TAF3: variants seen among roughly 807,000 people sequenced by gnomAD.
The protein encoded by TAF3 is transcription initiation factor TFIID subunit 3.
A neutral mutation model predicts 80.6 loss-of-function variants in TAF3; 7 were observed. The ratio of observed to expected loss-of-function variants is 0.09; its 90% CI spans 0.05 to 0.16. The LOEUF (loss-of-function observed/expected upper bound fraction) is 0.16, where lower values mean the gene tolerates loss of function less well. TAF3 is among the 10% of genes least tolerant of loss of function. The pLI, the probability that TAF3 is intolerant of heterozygous loss-of-function variation, is 1.00. For missense variants in TAF3, 921 were observed against 1,140.2 expected (o/e 0.81, Z 2.77); for synonymous variants, 444 against 446.1 (o/e 1.00, Z 0.06).
chr10:7,999,976 T>C (rs2131434269), intron 4 of TAF3, among the ~76,000 whole-genome samples: 1 of 152,354 alleles, frequency 6.6e-6, no homozygotes, highest in Middle Eastern at 3.4e-3. Context: ...TTAACCAAGC[T>C]ATCATTTTTT....
intron 2 of TAF3, among the ~76,000 whole-genome samples, chr10:7,946,280 C>T (rs770455280): frequency 5.9e-5 from 9 of 152,204 alleles, no homozygotes; most frequent in Admixed American, 2.6e-4. Context: ...CTTCCCATGC[C>T]TCAGACACAA....
At chr10:7,933,100 A>AC (rs1837884570) in intron 2 of TAF3, among the ~76,000 whole-genome samples, 1 of 26,424 alleles carries the variant, frequency 3.8e-5, no homozygotes, top group African/African-American at 6.7e-5. Context: ...AAAGCAAACA[A>AC]AAAAAAAAAT....
chr10:7,871,734 G>A (rs891205070), intron 2 of TAF3, among the ~76,000 whole-genome samples: 5 of 152,018 alleles, frequency 3.3e-5, no homozygotes, highest in African/African-American at 9.7e-5. Context: ...GGGAGCCACC[G>A]CGCCAGGCCA....
chr10:7,863,203 T>A (rs1837164986), intron 2 of TAF3, among the ~76,000 whole-genome samples: 1 of 152,180 alleles, frequency 6.6e-6, no homozygotes, highest in African/African-American at 2.4e-5. Context: ...ATATAAAATT[T>A]CAAATCAATG....
intron 2 of TAF3, among the ~76,000 whole-genome samples, chr10:7,901,711 A>G (rs984031858): frequency 1.3e-5 from 2 of 152,216 alleles, no homozygotes; most frequent in African/African-American, 4.8e-5. Flanking sequence ...TACCCAGTAA[A>G]CTTCTTAAAT....
intron 2 of TAF3, among the ~76,000 whole-genome samples, chr10:7,877,321 T>G (rs910957965): frequency 2.0e-5 from 3 of 152,174 alleles, no homozygotes; most frequent in African/African-American, 7.2e-5. Flanking sequence ...TATGGAAATC[T>G]GGGAGGTTTT....
At position 7,918,384 on chromosome 10, in the gene TAF3, T is replaced by C. The variant is rs141172726; in HGVS notation, c.410-45536T>C. Among the ~76,000 whole-genome samples the C allele has an allele frequency of 7.5e-3, 1,136 of 152,212 alleles. 9 individuals carry two copies. The highest frequency in any genetic ancestry group is 0.011 in the Non-Finnish European group (737 of 68,014). ...AGAGGGTCCAATGCAGTGCCACATG[T>C]AGACTTAGAGTAAGGGAAGAGTGGG... On this transcript the variant is annotated intron_variant, in intron 2 of 6. Transcript: ENST00000344293.
At chr10:7,866,830 G>T (rs1341991447) in intron 2 of TAF3, among the ~76,000 whole-genome samples, 1 of 152,184 alleles carries the variant, frequency 6.6e-6, no homozygotes, top group Non-Finnish European at 1.5e-5. Context: ...TGAAAACAAA[G>T]AGAAGTGGTT....
intron 2 of TAF3, among the ~76,000 whole-genome samples, chr10:7,876,634 A>C (rs1301208613): frequency 1.3e-5 from 2 of 152,152 alleles, no homozygotes; most frequent in African/African-American, 4.8e-5. Context: ...GTCAGTGGTT[A>C]TGTGACAGTT....
At chr10:7,871,941 A>T in intron 2 of TAF3, among the ~76,000 whole-genome samples, 1 of 152,366 alleles carries the variant, frequency 6.6e-6, no homozygotes, top group Non-Finnish European at 1.5e-5. Context: ...GCCAGATGAT[A>T]TATAGTGGGA....
At chr10:7,892,628 A>C (rs915266596) in intron 2 of TAF3, among the ~76,000 whole-genome samples, 2 of 152,116 alleles carry the variant, frequency 1.3e-5, no homozygotes, top group African/African-American at 4.8e-5. Flanking sequence ...TATTATCTCT[A>C]TCAGTTCTGC....
intron 4 of TAF3, among the ~76,000 whole-genome samples, chr10:7,982,214 A>G (rs1831732810): frequency 1.3e-5 from 2 of 152,096 alleles, no homozygotes; most frequent in Admixed American, 1.3e-4. Flanking sequence ...CTTTTTTCCT[A>G]GTCTAAACAA....
chr10:7,850,182 T>C (rs1053812234), intron 2 of TAF3, among the ~76,000 whole-genome samples: 1 of 152,184 alleles, frequency 6.6e-6, no homozygotes, highest in Non-Finnish European at 1.5e-5. Context: ...GTGATGTACC[T>C]GTGGATTAAA....
intron 2 of TAF3, among the ~76,000 whole-genome samples, chr10:7,881,850 AT>A (rs1837365404): frequency 6.6e-6 from 1 of 152,206 alleles, no homozygotes; most frequent in Non-Finnish European, 1.5e-5. Flanking sequence ...TAGTTAACGC[AT>A]TAAAAAGAAA....
At chr10:7,843,447 AT>A (rs1320904239) in intron 2 of TAF3, among the ~76,000 whole-genome samples, 2 of 152,028 alleles carry the variant, frequency 1.3e-5, no homozygotes, top group African/African-American at 4.8e-5. Context: ...GTCTTCCATC[AT>A]TTTTTGATCT....
chr10:7,917,119 C>T (rs1215441515), intron 2 of TAF3, among the ~76,000 whole-genome samples: 2 of 152,170 alleles, frequency 1.3e-5, no homozygotes, highest in African/African-American at 2.4e-5. Flanking sequence ...GTGGATGAAA[C>T]GAGGTTGCTT....
chr10:7,831,942 G>T (rs1836805214), intron 2 of TAF3, among the ~76,000 whole-genome samples: 1 of 151,166 alleles, frequency 6.6e-6, no homozygotes, highest in Non-Finnish European at 1.5e-5. Context: ...ATATCTGGGG[G>T]GTGCAAAGCG....
intron 2 of TAF3, among the ~76,000 whole-genome samples, chr10:7,845,959 GTTTT>G (rs34163537): frequency 3.1e-5 from 4 of 130,936 alleles, no homozygotes; most frequent in Middle Eastern, 3.9e-3. Context: ...GTGTGTTTTT[GTTTT>G]TTTTTTTTTT....
chr10:7,926,349 C>G (rs1222541482), intron 2 of TAF3, among the ~76,000 whole-genome samples: 1 of 152,088 alleles, frequency 6.6e-6, no homozygotes, highest in Non-Finnish European at 1.5e-5. Context: ...TCCTGCCATA[C>G]TTGATTGAGT....
Sources: gnomAD v4.1 joint callset for allele counts (sites outside exome capture counted in the v4.1 genomes callset) on GRCh38, gnomAD v4.1.1 for gene constraint, MANE v1.5 for transcripts, NCBI Gene and HGNC (gene_info 2026-07-23, HGNC 2026-07-21) for gene names.